The following EIF4EBP2 variants were observed in gnomAD, a reference collection of about 807,000 sequenced individuals.
EIF4EBP2 encodes eukaryotic translation initiation factor 4E-binding protein 2.
A neutral mutation model predicts 10.3 loss-of-function variants in EIF4EBP2; 5 were observed. The ratio of observed to expected loss-of-function variants is 0.48; its 90% CI spans 0.25 to 1.02. The LOEUF is 1.02. Ranked by LOEUF, EIF4EBP2 falls within the 50% of genes least tolerant of loss-of-function variation. EIF4EBP2 has a pLI of 0.15. For synonymous variants in EIF4EBP2, 67 were observed against 61.1 expected (o/e 1.10, Z -0.45); for missense variants, 188 against 162.2 (o/e 1.16, Z -0.86).
chr10:70,405,293 G>T (rs1343611820), intron 1 of EIF4EBP2, among the ~76,000 whole-genome samples: 2 of 152,190 alleles, frequency 1.3e-5, no homozygotes, highest in Non-Finnish European at 1.5e-5. Flanking sequence ...CAGTTGGGTG[G>T]GGTGGTTGCT....
Position 70,427,049 on chromosome 10 carries a change from C to T in EIF4EBP2, c.*5302C>T, listed in dbSNP as rs1159770925. ...TTTTCCTCATCTAGGATAACAGCTG[C>T]TTGAAGCCAGGGCTCTTAGCCCTTT... is the stretch of plus-strand genomic sequence containing the variant. On this transcript the variant is annotated 3_prime_UTR_variant, in exon 3 of 3. Transcript: ENST00000373218. 6.6e-6 allele frequency: 1 copy of T among 152,242 alleles called. No individual in the cohort carries two copies. Among genetic ancestry groups the T allele is most frequent in the Non-Finnish European group, 1.5e-5 (1 of 68,042 alleles). The allele number at this position is 152,242 out of a possible 1,614,324, so 9.4% of individuals were successfully genotyped here.
intron 2 of EIF4EBP2, among the ~76,000 whole-genome samples, chr10:70,420,629 A>G (rs1320197042): frequency 6.6e-6 from 1 of 152,294 alleles, no homozygotes; most frequent in East Asian, 1.9e-4. Context: ...GGTGGGAGAA[A>G]AGAATCCAGA....
At chr10:70,421,095 G>A (rs969746213) in intron 2 of EIF4EBP2, among the ~76,000 whole-genome samples, 7 of 152,126 alleles carry the variant, frequency 4.6e-5, no homozygotes, top group Middle Eastern at 3.2e-3. Context: ...GCGCCTGGCC[G>A]ACCTTGTTTC....
intron 1 of EIF4EBP2, among the ~76,000 whole-genome samples, chr10:70,413,501 G>C (rs1441183383): frequency 6.6e-6 from 1 of 151,244 alleles, no homozygotes; most frequent in Non-Finnish European, 1.5e-5. Flanking sequence ...CCAGCTACTT[G>C]GGAGGCTAAG....
chr10:70,423,713 G>T lies in EIF4EBP2; in HGVS notation c.*1966G>T, dbSNP rs1325177657. 1 of 152,604 alleles carries T rather than the reference G, an allele frequency of 6.6e-6. No individual in the cohort carries two copies. The allele number at this position is 152,604 out of a possible 1,614,324, so 9.5% of individuals were successfully genotyped here. ...AGAGGAAGGATGTCTGCAGAACTTTGTTCTGTTTTCTGCCACAAAAATGTG... is the reference window on the plus strand; with the variant it reads ...AGAGGAAGGATGTCTGCAGAACTTTTTTCTGTTTTCTGCCACAAAAATGTG... On this transcript the variant is annotated 3_prime_UTR_variant, in exon 3 of 3. Transcript: ENST00000373218.
rs1031419390 is a variant in EIF4EBP2 at position 70,422,401 on chromosome 10, G to A, written c.*654G>A. 1.3e-5 allele frequency: 2 copies of A among 152,246 alleles called. No individual in the cohort carries two copies. The highest frequency in any genetic ancestry group is 4.8e-5 in the African/African-American group (2 of 41,442). The allele number at this position is 152,246 out of a possible 1,614,324, so 9.4% of individuals were successfully genotyped here. On this transcript the variant is annotated 3_prime_UTR_variant, in exon 3 of 3. Coordinates refer to ENST00000373218, the MANE Select transcript of EIF4EBP2 (RefSeq NM_004096.5). The stretch of plus-strand genomic sequence containing the variant: ...AGGTCCACTTCCTTTCTTTCCTCTG[G>A]GAGGAATGTCTTCTGTCTTTGGTAT...
At position 70,412,327 on chromosome 10, in the gene EIF4EBP2, G is replaced by C. The variant is rs147529736; in HGVS notation, c.146-7587G>C. On this transcript the variant is annotated intron_variant, in intron 1 of 2. Transcript: ENST00000373218. ...TTCGTTCTCCAGGCTGTCTATTTGC[G>C]TGAGTAAATGGTTAATTCTAATTCT... is the stretch of plus-strand genomic sequence containing the variant. Among the ~76,000 whole-genome samples, 785 of 140,744 alleles carry C rather than the reference G, an allele frequency of 5.6e-3. 4 individuals are homozygous for C. Among genetic ancestry groups the C allele is most frequent in the African/African-American group, 0.019 (745 of 38,756 alleles). The allele number at this position is 140,744 out of a possible 152,430, so 92.3% of individuals were successfully genotyped here.
At position 70,420,097 on chromosome 10, in the gene EIF4EBP2, T is replaced by C; in HGVS notation, c.329T>C (p.Val110Ala). ...AACAATCACGACAGGAAACATGCAG[T>C]TGGTAAGAGAATGGCGATGTTGGAG... ...NLNNHDRKHA[V>A]GDDAQFEMDI Residue 110 changes from valine to alanine, a missense_variant and splice_region_variant, in exon 2 of 3, where the codon GTT becomes GCT. Val to Ala is a moderately conservative substitution (Grantham distance 64, BLOSUM62 0). Coordinates refer to ENST00000373218, the MANE Select transcript of EIF4EBP2 (RefSeq NM_004096.5). The C allele has an allele frequency of 6.3e-7, 1 of 1,599,184 alleles. No homozygotes were observed. The highest frequency in any genetic ancestry group is 8.5e-7 in the Non-Finnish European group (1 of 1,173,910).
In EIF4EBP2 at chr10:70,419,329, G is replaced by A. The variant is rs76760987; in HGVS notation, c.146-585G>A. 9.0e-3 allele frequency among the ~76,000 whole-genome samples: 1,372 copies of A among 152,296 alleles called. 26 individuals carry two copies. Among genetic ancestry groups the A allele is most frequent in the African/African-American group, 0.031 (1,287 of 41,552 alleles). ...AAAACATTCAGGTAGCACTTAACTGGTAAGCAGATTGTTTTGTAGAATAGA... is the reference window on the plus strand; with the variant it reads ...AAAACATTCAGGTAGCACTTAACTGATAAGCAGATTGTTTTGTAGAATAGA... On this transcript the variant is annotated intron_variant, in intron 1 of 2. Transcript: ENST00000373218.
intron 1 of EIF4EBP2, among the ~76,000 whole-genome samples, chr10:70,409,691 T>C (rs760571760): frequency 3.1e-4 from 47 of 152,226 alleles, no homozygotes; most frequent in Non-Finnish European, 6.3e-4. Flanking sequence ...TTATTTCCTT[T>C]CTAGGTGCTG....
chr10:70,407,089 G>A (rs906685606), intron 1 of EIF4EBP2, among the ~76,000 whole-genome samples: 3 of 151,686 alleles, frequency 2.0e-5, no homozygotes, highest in Non-Finnish European at 4.4e-5. Context: ...AGTAGAGATA[G>A]GGTTTCACCA....
At position 70,423,809 on chromosome 10, in the gene EIF4EBP2, G is replaced by T. The variant is rs1589149397; in HGVS notation, c.*2062G>T. 1 of 152,662 alleles carries T rather than the reference G, an allele frequency of 6.6e-6. No individual in the cohort carries two copies. The highest frequency in any genetic ancestry group is 1.9e-4 in the East Asian group (1 of 5,186). 9.5% of individuals were successfully genotyped at this position (152,662 alleles called of 1,614,324 possible). A position where few individuals can be genotyped will look rare whatever the true frequency, so the allele number is the denominator to read the frequency against. On this transcript the variant is annotated 3_prime_UTR_variant, in exon 3 of 3. Coordinates refer to ENST00000373218, the MANE Select transcript of EIF4EBP2 (RefSeq NM_004096.5). ...ATAAGCTGGATCTCCAATGTTTTGG[G>T]GATGCTTTGAGTCTCAAAAAAAATT...
rs866632015 is a variant in EIF4EBP2 at position 70,407,925 on chromosome 10, A to G, written c.145+3379A>G. ...GAGGGGCTCCTCACTTCCCAGTAGG[A>G]GCGGCCGGGCAGAGGCGCCCCTCAC... On this transcript the variant is annotated intron_variant, in intron 1 of 2. Coordinates refer to ENST00000373218, the MANE Select transcript of EIF4EBP2 (RefSeq NM_004096.5). Among the ~76,000 whole-genome samples, 198 of 83,014 alleles carry G rather than the reference A, an allele frequency of 2.4e-3. 1 individual carries two copies. Among genetic ancestry groups the G allele is most frequent in the South Asian group, 3.5e-3 (8 of 2,262 alleles). 54.5% of individuals were successfully genotyped at this position (83,014 alleles called of 152,430 possible). A position where few individuals can be genotyped will look rare whatever the true frequency, so the allele number is the denominator to read the frequency against.
At chr10:70,407,801 C>T (rs1349527594) in intron 1 of EIF4EBP2, among the ~76,000 whole-genome samples, 70 of 141,900 alleles carry the variant, frequency 4.9e-4, no homozygotes, top group African/African-American at 1.7e-3. Flanking sequence ...CCAGTAGGGG[C>T]GGCCGGGCAG....
chr10:70,419,736 A>G (rs1220437756), intron 1 of EIF4EBP2, among the ~76,000 whole-genome samples, 178 bp from the exon 2 acceptor site: 1 of 152,176 alleles, frequency 6.6e-6, no homozygotes, highest in Non-Finnish European at 1.5e-5. Context: ...GAGAAAGGGC[A>G]TTCCAGATGG....
At chr10:70,408,301 C>A (rs78689297) in intron 1 of EIF4EBP2, among the ~76,000 whole-genome samples, 1 of 152,102 alleles carries the variant, frequency 6.6e-6, no homozygotes, top group African/African-American at 2.4e-5. Context: ...GCGCCCCTCA[C>A]CTCCCGGACG....
intron 1 of EIF4EBP2, 130 bp downstream of exon 1, chr10:70,404,676 GC>G (rs1844950162): frequency 8.2e-7 from 1 of 1,222,960 alleles, no homozygotes; most frequent in Non-Finnish European, 1.1e-6. Flanking sequence ...CTGCCCTTGG[GC>G]CCGCCCGAGC....
At chr10:70,417,071 T>C (rs984847392) in intron 1 of EIF4EBP2, among the ~76,000 whole-genome samples, 13 of 152,228 alleles carry the variant, frequency 8.5e-5, no homozygotes, top group Admixed American at 6.5e-4. Flanking sequence ...AACCCATTTA[T>C]CAGTTGATGG....
chr10:70,420,079 A>G lies in EIF4EBP2; in HGVS notation c.311A>G (p.His104Arg), dbSNP rs1564663220. The change falls in exon 2 of 3, where the codon CAC becomes CGC. Residue 104 changes from histidine (H) to arginine (R), a missense_variant. Transcript: ENST00000373218. ...AACAATTTGAACAACTTGAACAATC[A>G]CGACAGGAAACATGCAGTTGGTAAG... Reference protein sequence around the residue: ...EVNNLNNLNNHDRKHAVGDDA... With the variant: ...EVNNLNNLNNRDRKHAVGDDA... 1.2e-6 allele frequency: 2 copies of G among 1,606,608 alleles called. No homozygotes were observed. The highest frequency in any genetic ancestry group is 1.7e-6 in the Non-Finnish European group (2 of 1,177,658).
Sources: gnomAD v4.1 joint callset for allele counts (sites outside exome capture counted in the v4.1 genomes callset) on GRCh38, gnomAD v4.1.1 for gene constraint, MANE v1.5 for transcripts, NCBI Gene and HGNC (gene_info 2026-07-23, HGNC 2026-07-21) for gene names.